YWHAZ: variants seen among roughly 807,000 people sequenced by gnomAD.
YWHAZ encodes tyrosine 3-monooxygenase/tryptophan 5-monooxygenase activation protein zeta, also known as 14-3-3 protein zeta/delta.
For missense variants in YWHAZ, 79 were observed against 284.8 expected (o/e 0.28, Z 5.20); for synonymous variants, 87 against 103.6 (o/e 0.84, Z 0.97).
intron 1 of YWHAZ, chr8:100,951,260 T>A: frequency 1.0e-6 from 1 of 984,494 alleles, no homozygotes; most frequent in Non-Finnish European, 1.2e-6. Context: ...GCGCCAGGCC[T>A]GGGCTCCGGC....
At chr8:100,950,195 C>T (rs1810605634) in intron 1 of YWHAZ, among the ~76,000 whole-genome samples, 1 of 152,246 alleles carries the variant, frequency 6.6e-6, no homozygotes, top group Non-Finnish European at 1.5e-5. Context: ...CGTCAGGTCT[C>T]TAAATTACTG....
chr8:100,940,400 C>T (rs1358318524), intron 2 of YWHAZ, among the ~76,000 whole-genome samples: 1 of 152,136 alleles, frequency 6.6e-6, no homozygotes, highest in Non-Finnish European at 1.5e-5. Context: ...TTAAAAAAGG[C>T]TAAAGACCAG....
rs1812747705 is a variant in YWHAZ at position 100,917,361 on chromosome 8, TCG to T, written c.*3330_*3331del. ...TAAGCCAGAGCTGCAGGAAAGCCCATCGTTTTTACTAATCACACTGCTGCTCC... is the reference window on the plus strand; with the variant it reads ...TAAGCCAGAGCTGCAGGAAAGCCCATTTTTTACTAATCACACTGCTGCTCC... On this transcript the variant is annotated 3_prime_UTR_variant, in exon 6 of 6. Transcript: ENST00000395958. 6.6e-6 allele frequency: 1 copy of T among 151,932 alleles called. No individual in the cohort carries two copies. The highest frequency in any genetic ancestry group is 6.6e-5 in the Admixed American group (1 of 15,248). The allele number at this position is 151,932 out of a possible 1,614,324, so 9.4% of individuals were successfully genotyped here.
chr8:100,936,670 G>A lies in YWHAZ; in HGVS notation c.295-11631C>T, dbSNP rs530690215. ...ACAAAAATTAGCCAGGCATGGTGGCGGGTGCCTGTAATTCCAGCTACTGGG... is the reference window on the plus strand; with the variant it reads ...ACAAAAATTAGCCAGGCATGGTGGCAGGTGCCTGTAATTCCAGCTACTGGG... On this transcript the variant is annotated intron_variant, in intron 2 of 5. Transcript: ENST00000395958. Among the ~76,000 whole-genome samples the A allele has an allele frequency of 1.2e-4, 19 of 152,184 alleles. No homozygotes were observed. In the East Asian group the frequency reaches 2.3e-3, roughly 19 times the overall value.
At chr8:100,935,917 C>G (rs1242204616) in intron 2 of YWHAZ, among the ~76,000 whole-genome samples, 2 of 152,230 alleles carry the variant, frequency 1.3e-5, no homozygotes. Flanking sequence ...CACCCCACCA[C>G]TATCCCTTAC....
In YWHAZ at chr8:100,928,018, G is replaced by A. The variant is rs1418010737; in HGVS notation, c.295-2979C>T. On this transcript the variant is annotated intron_variant, in intron 2 of 5. Transcript: ENST00000395958. Reference sequence around the variant, plus strand: ...AAGGTGGCTGGGCATGGTGGCTCACGCCTGTAATCCCAACACTTTGGGAGG... The same window carrying A: ...AAGGTGGCTGGGCATGGTGGCTCACACCTGTAATCCCAACACTTTGGGAGG... Among the ~76,000 whole-genome samples the A allele has an allele frequency of 5.3e-5, 8 of 152,114 alleles. No homozygotes were observed. In the East Asian group the frequency reaches 1.2e-3, roughly 22 times the overall value.
At chr8:100,952,043 C>T (rs1026443918), upstream of YWHAZ, 46 of 989,956 alleles carry the variant, frequency 4.6e-5, no homozygotes, top group Admixed American at 1.8e-4. Flanking sequence ...TGCTCACAGG[C>T]TACAGCCGCT....
chr8:100,944,420 G>C (rs1333913879), intron 2 of YWHAZ, among the ~76,000 whole-genome samples: 4 of 152,166 alleles, frequency 2.6e-5, no homozygotes, highest in Non-Finnish European at 5.9e-5. Context: ...ATAGAACTCA[G>C]TCAAATTAAC....
In YWHAZ at chr8:100,918,440, A is replaced by ATATATATATATATATG. The variant is rs1563661951; in HGVS notation, c.*2252_*2253insCATATATATATATATA. On this transcript the variant is annotated 3_prime_UTR_variant, in exon 6 of 6. Transcript: ENST00000395958. ...TATATATATATATATATATATATAT[A>ATATATATATATATATG]TATAATTATTTTACCTCCTTGGCTT... 1 of 113,662 alleles carries ATATATATATATATATG rather than the reference A, an allele frequency of 8.8e-6. No individual in the cohort carries two copies. Among genetic ancestry groups the ATATATATATATATATG allele is most frequent in the African/African-American group, 3.4e-5 (1 of 29,392 alleles). 7.0% of individuals were successfully genotyped at this position (113,662 alleles called of 1,614,324 possible).
intron 2 of YWHAZ, among the ~76,000 whole-genome samples, chr8:100,943,724 C>T (rs765693924): frequency 2.0e-5 from 3 of 152,140 alleles, no homozygotes; most frequent in Admixed American, 6.5e-5. Flanking sequence ...CGGTGGCTCA[C>T]GCCTGTAATC....
At chr8:100,935,692 G>A (rs1015142307) in intron 2 of YWHAZ, among the ~76,000 whole-genome samples, 3 of 151,560 alleles carry the variant, frequency 2.0e-5, no homozygotes, top group Non-Finnish European at 4.4e-5. Context: ...AACTGGAAGA[G>A]AGTGTGAGGT....
intron 1 of YWHAZ, chr8:100,950,449 C>A: frequency 1.0e-6 from 1 of 985,544 alleles, no homozygotes. Flanking sequence ...ACGGGCAGAC[C>A]CGGACTTTAA....
At chr8:100,952,298 C>T, upstream of YWHAZ, 1 of 291,076 alleles carries the variant, frequency 3.4e-6, no homozygotes, top group South Asian at 1.3e-4. Flanking sequence ...CTACGCTTGT[C>T]CCGAGTGCAC....
chr8:100,952,763 C>G (rs1467114161), upstream of YWHAZ: 1 of 994,450 alleles, frequency 1.0e-6, no homozygotes, highest in Non-Finnish European at 1.2e-6. Flanking sequence ...GCGCTGCCCC[C>G]CGCCCCGCCC....
chr8:100,941,587 C>T (rs959280523), intron 2 of YWHAZ, among the ~76,000 whole-genome samples: 2 of 152,132 alleles, frequency 1.3e-5, no homozygotes, highest in Non-Finnish European at 2.9e-5. Context: ...GAGTTCAAGA[C>T]CAGCCCGGCC....
At chr8:100,943,031 C>A (rs1384027360) in intron 2 of YWHAZ, among the ~76,000 whole-genome samples, 1 of 152,128 alleles carries the variant, frequency 6.6e-6, no homozygotes, top group East Asian at 1.9e-4. Flanking sequence ...GGATAGGGAA[C>A]CAATGATATG....
chr8:100,953,331 TGGGAGTG>T, upstream of YWHAZ: 1 of 984,340 alleles, frequency 1.0e-6, no homozygotes, highest in Non-Finnish European at 1.2e-6. Flanking sequence ...CAGCTGGCGG[TGGGAGTG>T]GGCCACAGGC....
At position 100,918,352 on chromosome 8, in the gene YWHAZ, A is replaced by C. The variant is rs1273061707; in HGVS notation, c.*2341T>G. ...AGCAAGACTCTTGTCTCCAAAAAAA[A>C]AAAAAACAACAAAAAAATTCCCACC... On this transcript the variant is annotated 3_prime_UTR_variant, in exon 6 of 6. Coordinates refer to ENST00000395958, the MANE Select transcript of YWHAZ (RefSeq NM_145690.3). 11 of 104,796 alleles carry C rather than the reference A, an allele frequency of 1.0e-4. No individual in the cohort carries two copies. Among genetic ancestry groups the C allele is most frequent in the East Asian group, 3.3e-4 (1 of 3,056 alleles). 6.5% of individuals were successfully genotyped at this position (104,796 alleles called of 1,614,324 possible).
intron 2 of YWHAZ, among the ~76,000 whole-genome samples, chr8:100,945,894 T>C (rs1422809943): frequency 2.0e-5 from 3 of 151,976 alleles, no homozygotes; most frequent in South Asian, 4.2e-4. Context: ...TAACAAATAT[T>C]TGAGCATCTA....
Sources: gnomAD v4.1 joint callset for allele counts (sites outside exome capture counted in the v4.1 genomes callset) on GRCh38, gnomAD v4.1.1 for gene constraint, MANE v1.5 for transcripts, NCBI Gene and HGNC (gene_info 2026-07-23, HGNC 2026-07-21) for gene names.